The following GABBR2 variants were observed in gnomAD, a reference collection of about 807,000 sequenced individuals.
The protein encoded by GABBR2 is G-protein coupled receptor 51.
A neutral mutation model predicts 105.6 loss-of-function variants in GABBR2; 23 were observed. That is an observed-to-expected ratio of 0.22 (90% confidence interval 0.16 to 0.31). The LOEUF (loss-of-function observed/expected upper bound fraction) is 0.31, where lower values mean the gene tolerates loss of function less well. Ranked by LOEUF, GABBR2 falls within the 10% of genes least tolerant of loss-of-function variation. The pLI is 1.00. For missense variants in GABBR2, 734 were observed against 1,245.5 expected, an observed-to-expected ratio of 0.59 and a Z score of 6.18; for synonymous variants, 478 against 499.7, an observed-to-expected ratio of 0.96 and a Z score of 0.58.
intron 10 of GABBR2, among the ~76,000 whole-genome samples, chr9:98,387,460 T>A (rs574320555): frequency 5.9e-5 from 9 of 152,348 alleles, no homozygotes; most frequent in African/African-American, 1.9e-4. Context: ...CTAAGAGGTA[T>A]GTTGAGCATT....
intron 4 of GABBR2, 64 bp from the exon 5 acceptor site, chr9:98,481,061 G>C: frequency 9.9e-7 from 1 of 1,011,884 alleles, no homozygotes; most frequent in Non-Finnish European, 1.6e-6. Context: ...AGGGTTCAAG[G>C]CTGTGGCAGA....
chr9:98,291,298 T>C (rs762177566), intron 18 of GABBR2, among the ~76,000 whole-genome samples: 2 of 152,206 alleles, frequency 1.3e-5, no homozygotes, highest in African/African-American at 2.4e-5. Context: ...TTTCACACCA[T>C]TGTAAATTTG....
At chr9:98,476,672 C>A (rs777590814) in intron 5 of GABBR2, among the ~76,000 whole-genome samples, 3 of 152,218 alleles carry the variant, frequency 2.0e-5, no homozygotes, top group Non-Finnish European at 2.9e-5. Context: ...GGGCTATGTT[C>A]TTGGGCTTAG....
At chr9:98,508,623 G>GCATGGCTCGGAGGGTCCTACGCC (rs1483854230) in intron 3 of GABBR2, among the ~76,000 whole-genome samples, 1 of 152,228 alleles carries the variant, frequency 6.6e-6, no homozygotes, top group Admixed American at 6.5e-5. Context: ...TATATCCCGC[G>GCATGGCTCGGAGGGTCCTACGCC]CATGGCTCGG....
Position 98,647,318 on chromosome 9 carries a change from T to C in GABBR2, c.321+61099A>G, listed in dbSNP as rs541529272. The stretch of plus-strand genomic sequence containing the variant: ...TGCATTTACCTGATCATGCCAGACC[T>C]GCACCCTTTCACACAGCTCTATTCT... On this transcript the variant is annotated intron_variant, in intron 1 of 18. Coordinates refer to ENST00000259455, the MANE Select transcript of GABBR2 (RefSeq NM_005458.8). Among the ~76,000 whole-genome samples the C allele has an allele frequency of 3.3e-5, 5 of 152,366 alleles. No individual in the cohort carries two copies. The South Asian group carries it at 1.0e-3, about 32-fold the overall frequency.
At chr9:98,355,154 C>T (rs796843314) in intron 13 of GABBR2, among the ~76,000 whole-genome samples, 6 of 152,112 alleles carry the variant, frequency 3.9e-5, no homozygotes, top group African/African-American at 1.4e-4. Flanking sequence ...ATAAAGTCTG[C>T]CCTCTTATCT....
Position 98,456,083 on chromosome 9 carries a change from G to A in GABBR2, c.1000-1866C>T, listed in dbSNP as rs562784676. On this transcript the variant is annotated intron_variant, in intron 6 of 18. Transcript: ENST00000259455. ...TAGTCCAGCTCAGCTCCCTGAGTTC[G>A]TCCTGTTACTCACATTCCTCCACCC... 1.4e-4 allele frequency among the ~76,000 whole-genome samples: 21 copies of A among 152,130 alleles called. No individual in the cohort carries two copies. The South Asian group carries it at 2.5e-3, about 18-fold the overall frequency.
chr9:98,682,520 C>T (rs906077369), intron 1 of GABBR2, among the ~76,000 whole-genome samples: 38 of 151,724 alleles, frequency 2.5e-4, no homozygotes, highest in South Asian at 1.0e-3. Flanking sequence ...GGACTACAGG[C>T]GCCAGCCACC....
chr9:98,437,561 T>G (rs1003201457), intron 7 of GABBR2, among the ~76,000 whole-genome samples: 1 of 151,360 alleles, frequency 6.6e-6, no homozygotes, highest in Non-Finnish European at 1.5e-5. Context: ...ATCTATCCTT[T>G]CATCCATCCA....
chr9:98,401,440 C>T (rs568612860), intron 8 of GABBR2, among the ~76,000 whole-genome samples: 10 of 152,252 alleles, frequency 6.6e-5, no homozygotes, highest in African/African-American at 2.4e-4. Context: ...TCTTTTGGGC[C>T]ACCTTTCTTA....
intron 3 of GABBR2, among the ~76,000 whole-genome samples, chr9:98,539,172 G>A (rs935042558): frequency 6.6e-6 from 1 of 152,180 alleles, no homozygotes; most frequent in Non-Finnish European, 1.5e-5. Context: ...TGCGCCCTGG[G>A]GCAAGAGACC....
At chr9:98,436,079 G>C (rs2131579436) in intron 7 of GABBR2, among the ~76,000 whole-genome samples, 1 of 151,114 alleles carries the variant, frequency 6.6e-6, no homozygotes, top group African/African-American at 2.4e-5. Context: ...ACTATAGGTG[G>C]TTGTAAATGT....
At chr9:98,395,577 G>C (rs1832273788) in intron 8 of GABBR2, among the ~76,000 whole-genome samples, 1 of 152,098 alleles carries the variant, frequency 6.6e-6, no homozygotes, top group African/African-American at 2.4e-5. Flanking sequence ...AGACTGGGAA[G>C]GGGTGACCAG....
intron 1 of GABBR2, chr9:98,607,015 C>A (rs1328966172): frequency 1.0e-5 from 11 of 1,055,676 alleles, no homozygotes; most frequent in Non-Finnish European, 1.5e-5. Flanking sequence ...CAGAAGACCC[C>A]TGAAGGCTAT....
At chr9:98,321,600 G>A (rs1181243613) in intron 13 of GABBR2, among the ~76,000 whole-genome samples, 3 of 152,106 alleles carry the variant, frequency 2.0e-5, no homozygotes, top group Non-Finnish European at 4.4e-5. Flanking sequence ...CAAGGTGGGC[G>A]GTGGGGACCA....
intron 4 of GABBR2, among the ~76,000 whole-genome samples, chr9:98,489,025 T>C (rs752694765): frequency 1.3e-5 from 2 of 152,240 alleles, no homozygotes; most frequent in Non-Finnish European, 2.9e-5. Context: ...TAAATATTTT[T>C]GGTCTCATAG....
chr9:98,677,537 A>C (rs948490346), intron 1 of GABBR2, among the ~76,000 whole-genome samples: 2 of 152,184 alleles, frequency 1.3e-5, no homozygotes, highest in African/African-American at 4.8e-5. Flanking sequence ...TCTGCCAAAA[A>C]ACTTTTGAGA....
chr9:98,603,591 G>C (rs1189082296), intron 1 of GABBR2, among the ~76,000 whole-genome samples: 1 of 152,068 alleles, frequency 6.6e-6, no homozygotes, highest in Non-Finnish European at 1.5e-5. Flanking sequence ...TCACCTCTCT[G>C]ATTTTTGCCT....
rs547445780 is a variant in GABBR2 at position 98,454,305 on chromosome 9, A to G, written c.1000-88T>C. On this transcript the variant is annotated intron_variant, in intron 6 of 18. Coordinates refer to ENST00000259455, the MANE Select transcript of GABBR2 (RefSeq NM_005458.8). This position sits in a 1 kb window ranked among gnomAD's most constrained non-coding sequence, Gnocchi z 4.6. ...TGCCGAGAAGAGCTGCTATTCTTCA[A>G]TGCCCACAGGGTGCCAGGTACAGTG... 1.7e-3 allele frequency: 1,501 copies of G among 871,910 alleles called. 2 individuals carry two copies. The highest frequency in any genetic ancestry group is 2.6e-3 in the Non-Finnish European group (1,324 of 511,708). 54.0% of individuals were successfully genotyped at this position (871,910 alleles called of 1,614,324 possible).
Sources: allele counts gnomAD v4.1 joint callset (sites outside exome capture counted in the v4.1 genomes callset), GRCh38; gene constraint gnomAD v4.1.1; non-coding constraint Gnocchi (gnomAD v3.1); transcripts MANE v1.5; gene names NCBI Gene and HGNC (gene_info 2026-07-23, HGNC 2026-07-21).